PDE2A: variants seen among roughly 807,000 people sequenced by gnomAD.
PDE2A encodes cGMP-dependent 3',5'-cyclic phosphodiesterase.
Under a neutral mutation model 133.6 loss-of-function variants are expected in PDE2A, and 53 were observed. The observed-to-expected ratio is 0.40, with a 90% confidence interval of 0.32 to 0.50. The LOEUF is 0.50. Among genes scored for constraint, PDE2A ranks in the 20% least tolerant of loss-of-function variants. PDE2A has a pLI of 0.73. For missense variants in PDE2A, 796 were observed against 1,232.4 expected, an observed-to-expected ratio of 0.65 and a Z score of 5.30; for synonymous variants, 491 against 490.2, an observed-to-expected ratio of 1.00 and a Z score of -0.02.
intron 2 of PDE2A, among the ~76,000 whole-genome samples, chr11:72,627,743 G>A (rs918709174): frequency 1.3e-4 from 20 of 152,186 alleles, no homozygotes; most frequent in African/African-American, 4.3e-4. Context: ...CCTCATCCAC[G>A]TCCGCCTCTC....
intron 1 of PDE2A, among the ~76,000 whole-genome samples, chr11:72,658,469 C>A (rs1231480204): frequency 6.7e-6 from 1 of 149,416 alleles, no homozygotes; most frequent in East Asian, 1.9e-4. Flanking sequence ...TCCCCACCTG[C>A]CCCCCCACAC....
chr11:72,584,488 G>A lies in PDE2A; in HGVS notation c.1537+63C>T, dbSNP rs1395042782. 7 of 1,516,002 alleles carry A rather than the reference G, an allele frequency of 4.6e-6. No homozygotes were observed. The East Asian group carries it at 1.5e-4, about 32-fold the overall frequency. 93.9% of individuals were successfully genotyped at this position (1,516,002 alleles called of 1,614,324 possible). ...GCGGTGGGGAAGTGTTGCCACCCCC[G>A]CTCGCTCGGACCCGCCCCGCCCGGC... is the stretch of plus-strand genomic sequence containing the variant. On this transcript the variant is annotated intron_variant, in intron 18 of 30. Transcript: ENST00000334456.
Position 72,591,279 on chromosome 11 carries a change from G to A in PDE2A, c.549+18C>T. 6.2e-7 allele frequency: 1 copy of A among 1,605,226 alleles called. No individual in the cohort carries two copies. On this transcript the variant is annotated intron_variant, in intron 7 of 30. Coordinates refer to ENST00000334456, the MANE Select transcript of PDE2A (RefSeq NM_002599.5). ...AAGGGTCTTCAGCCTCATTGCACAT[G>A]GCCCCACTCCCACTCACATGCTTCT...
At chr11:72,586,446 G>T (rs1855977988) in intron 13 of PDE2A, among the ~76,000 whole-genome samples, 1 of 152,116 alleles carries the variant, frequency 6.6e-6, no homozygotes, top group Non-Finnish European at 1.5e-5. Flanking sequence ...CCCAAAGCTG[G>T]GTCTCCTCCC....
intron 2 of PDE2A, chr11:72,621,868 TG>T (rs1857787420): frequency 6.6e-6 from 1 of 152,232 alleles, no homozygotes; most frequent in African/African-American, 2.4e-5. Flanking sequence ...AATGACATCA[TG>T]TCTGGGATTT....
chr11:72,625,850 G>A (rs1591092713), intron 2 of PDE2A, among the ~76,000 whole-genome samples: 2 of 152,172 alleles, frequency 1.3e-5, no homozygotes, highest in Non-Finnish European at 2.9e-5. Flanking sequence ...AGGACACACG[G>A]AGGCCAGTGC....
rs1805697829 is a variant in PDE2A at position 72,584,276 on chromosome 11, A to C, written c.1575T>G (p.Asn525Lys). Reference sequence around the variant, plus strand: ...CGTCGAACTTGCTGAACCATGGCCCATTGATCTTGTTCACCAGCTCGGCCA... The same window carrying C: ...CGTCGAACTTGCTGAACCATGGCCCCTTGATCTTGTTCACCAGCTCGGCCA... ...IGVAELVNKI[N>K]GPWFSKFDED... Residue 525 changes from asparagine (N) to lysine (K), a missense_variant, in exon 19 of 31, where the codon AAT (asparagine) becomes AAG (lysine). By Grantham distance (94) the Asn-to-Lys change is moderately conservative (BLOSUM62 0). Coordinates refer to ENST00000334456, the MANE Select transcript of PDE2A (RefSeq NM_002599.5). 1.9e-6 allele frequency: 3 copies of C among 1,610,816 alleles called. No individual in the cohort carries two copies. The highest frequency in any genetic ancestry group is 1.7e-6 in the Non-Finnish European group (2 of 1,178,268).
intron 6 of PDE2A, among the ~76,000 whole-genome samples, chr11:72,594,744 T>C (rs1435595273): frequency 1.3e-5 from 2 of 152,036 alleles, no homozygotes; most frequent in South Asian, 2.1e-4. Context: ...CTGCCTAGAA[T>C]CCCCTTTCCC....
chr11:72,663,150 G>A (rs905409675), intron 1 of PDE2A, among the ~76,000 whole-genome samples: 1 of 152,166 alleles, frequency 6.6e-6, no homozygotes, highest in African/African-American at 2.4e-5. Context: ...GTCTGGGTGT[G>A]CCTGTCTCTA....
rs415603 is a variant in PDE2A at position 72,654,454 on chromosome 11, G to A, written c.72-12128C>T. Reference sequence around the variant, plus strand: ...GGGAGAGCCTGGGGGAGGCTCCTCCGCCGGGGAAGAAGCAGCCAAGAAGCA... The same window carrying A: ...GGGAGAGCCTGGGGGAGGCTCCTCCACCGGGGAAGAAGCAGCCAAGAAGCA... On this transcript the variant is annotated intron_variant, in intron 1 of 30. Coordinates refer to ENST00000334456, the MANE Select transcript of PDE2A (RefSeq NM_002599.5). Among the ~76,000 whole-genome samples the A allele has an allele frequency of 8.9e-3, 1,360 of 152,244 alleles. 25 individuals are homozygous for A. The highest frequency in any genetic ancestry group is 0.031 in the African/African-American group (1,295 of 41,536).
At chr11:72,620,047 A>G (rs1318910039) in intron 2 of PDE2A, among the ~76,000 whole-genome samples, 1 of 152,086 alleles carries the variant, frequency 6.6e-6, no homozygotes, top group Non-Finnish European at 1.5e-5. Flanking sequence ...GGTGAGGGAG[A>G]GTGGGCTCAG....
At chr11:72,666,837 G>C (rs1387004438) in intron 1 of PDE2A, among the ~76,000 whole-genome samples, 2 of 152,236 alleles carry the variant, frequency 1.3e-5, no homozygotes, top group African/African-American at 4.8e-5. Flanking sequence ...CGGGTGCAGT[G>C]GCTCATGCCT....
chr11:72,625,895 C>T (rs1858035479), intron 2 of PDE2A, among the ~76,000 whole-genome samples: 1 of 152,200 alleles, frequency 6.6e-6, no homozygotes, highest in African/African-American at 2.4e-5. Flanking sequence ...TAAATATTTC[C>T]CGGGAAACGG....
At chr11:72,619,486 T>A (rs1857641058) in intron 2 of PDE2A, among the ~76,000 whole-genome samples, 1 of 152,188 alleles carries the variant, frequency 6.6e-6, no homozygotes, top group Non-Finnish European at 1.5e-5. Flanking sequence ...TCTGTAGGAA[T>A]CTGTAACCCA....
rs191337790 is a variant in PDE2A at position 72,669,395 on chromosome 11, G to T, written c.71+4742C>A. ...CAGTTGCCTCCTGTTTTTCGGGGTG[G>T]GGGGGCAGTGAGAAGGGTGACTTCA... On this transcript the variant is annotated intron_variant, in intron 1 of 30. Coordinates refer to ENST00000334456, the MANE Select transcript of PDE2A (RefSeq NM_002599.5). Among the ~76,000 whole-genome samples, 3 of 152,266 alleles carry T rather than the reference G, an allele frequency of 2.0e-5. No individual in the cohort carries two copies. In the East Asian group the frequency reaches 5.8e-4, roughly 29 times the overall value.
At chr11:72,619,829 C>T (rs141358541) in intron 2 of PDE2A, among the ~76,000 whole-genome samples, 1 of 152,252 alleles carries the variant, frequency 6.6e-6, no homozygotes, top group East Asian at 1.9e-4. Context: ...CCACACACCA[C>T]ATGTACTGGA....
intron 1 of PDE2A, among the ~76,000 whole-genome samples, chr11:72,667,944 G>T: frequency 6.6e-6 from 1 of 152,240 alleles, no homozygotes; most frequent in East Asian, 1.9e-4. Context: ...GCATGGAGGA[G>T]GGACAGCAGC....
intron 26 of PDE2A, 22 bp downstream of exon 26, chr11:72,579,512 A>ACCCCCC: frequency 1.1e-6 from 1 of 885,636 alleles, no homozygotes; most frequent in Non-Finnish European, 1.7e-6. Context: ...CTCAATCCCC[A>ACCCCCC]CCCCACCCCC....
At chr11:72,622,813 T>C (rs1857846634) in intron 2 of PDE2A, among the ~76,000 whole-genome samples, 2 of 152,154 alleles carry the variant, frequency 1.3e-5, no homozygotes, top group South Asian at 4.1e-4. Flanking sequence ...AACTGTACAC[T>C]TAGAAATGGT....
Sources: allele counts gnomAD v4.1 joint callset (sites outside exome capture counted in the v4.1 genomes callset), GRCh38; gene constraint gnomAD v4.1.1; transcripts MANE v1.5; gene names NCBI Gene and HGNC (gene_info 2026-07-23, HGNC 2026-07-21).